LUZP2: variants seen among roughly 807,000 people sequenced by gnomAD.
LUZP2 encodes leucine zipper protein 2.
Under a neutral mutation model 51.6 loss-of-function variants are expected in LUZP2, and 52 were observed. That is an observed-to-expected ratio of 1.01 (90% CI 0.81 to 1.27). The LOEUF (loss-of-function observed/expected upper bound fraction) is 1.27. Ranked by LOEUF, LUZP2 falls within the 50% of genes most tolerant of loss-of-function variation. LUZP2 has a pLI of 0.00. For synonymous variants in LUZP2, 154 were observed against 137.3 expected (o/e 1.12, Z -0.85); for missense variants, 436 against 395.4 (o/e 1.10, Z -0.87).
intron 1 of LUZP2, among the ~76,000 whole-genome samples, chr11:24,682,187 C>T (rs955228223): frequency 6.6e-6 from 1 of 151,986 alleles, no homozygotes; most frequent in African/African-American, 2.4e-5. Flanking sequence ...GCAACTAATA[C>T]ATTATATGTT....
At chr11:24,648,433 G>A (rs1028842180) in intron 1 of LUZP2, among the ~76,000 whole-genome samples, 3 of 151,790 alleles carry the variant, frequency 2.0e-5, no homozygotes, top group Admixed American at 2.0e-4. Context: ...CAGCTGCTCG[G>A]GTATGTCTAG....
chr11:24,967,570 C>G (rs948908350), intron 7 of LUZP2, among the ~76,000 whole-genome samples: 4 of 151,616 alleles, frequency 2.6e-5, no homozygotes, highest in Non-Finnish European at 4.4e-5. Flanking sequence ...CATGTTTCTT[C>G]AAACTTTTTT....
At chr11:24,533,376 T>A (rs908104861) in intron 1 of LUZP2, among the ~76,000 whole-genome samples, 8 of 151,368 alleles carry the variant, frequency 5.3e-5, no homozygotes, top group Admixed American at 2.0e-4. Context: ...CAACTCCCTT[T>A]ATGTTGCCAT....
chr11:24,534,516 T>TAG (rs1049904558), intron 1 of LUZP2, among the ~76,000 whole-genome samples: 10 of 151,066 alleles, frequency 6.6e-5, no homozygotes, highest in African/African-American at 1.5e-4. Context: ...AAAGCATATA[T>TAG]AGAGAGATGT....
chr11:24,537,221 A>C (rs2133837388), intron 1 of LUZP2, among the ~76,000 whole-genome samples: 1 of 152,110 alleles, frequency 6.6e-6, no homozygotes, highest in African/African-American at 2.4e-5. Context: ...CTATACTGTT[A>C]GTAAAATGGC....
chr11:24,572,792 C>T (rs746173596), intron 1 of LUZP2, among the ~76,000 whole-genome samples: 1 of 151,980 alleles, frequency 6.6e-6, no homozygotes, highest in African/African-American at 2.4e-5. Context: ...AATAATTTTA[C>T]TTTATCTAAA....
intron 7 of LUZP2, among the ~76,000 whole-genome samples, chr11:24,934,996 C>T (rs2133840052): frequency 6.6e-6 from 1 of 152,184 alleles, no homozygotes; most frequent in African/African-American, 2.4e-5. Context: ...TGAAAAAAAG[C>T]TTTGTAGAGC....
chr11:24,548,903 T>A (rs915747795), intron 1 of LUZP2, among the ~76,000 whole-genome samples: 1 of 151,966 alleles, frequency 6.6e-6, no homozygotes. Flanking sequence ...TTATTGTATA[T>A]GTTTCATGGT....
intron 4 of LUZP2, among the ~76,000 whole-genome samples, chr11:24,755,266 C>T (rs1187872879): frequency 2.0e-5 from 3 of 152,150 alleles, no homozygotes; most frequent in Non-Finnish European, 2.9e-5. Flanking sequence ...ACAATTTCTT[C>T]GCACTTCGCA....
At chr11:24,907,093 G>A (rs1428477931) in intron 6 of LUZP2, among the ~76,000 whole-genome samples, 11 of 152,058 alleles carry the variant, frequency 7.2e-5, no homozygotes, top group Non-Finnish European at 1.3e-4. Flanking sequence ...AAGCACAAGC[G>A]TTGCTTCTCA....
rs1344147803 is a variant in LUZP2 at position 24,932,727 on chromosome 11, C to T, written c.522+18189C>T. ...AGAACTTGCCCCAGGCTACTGGCCT[C>T]CCCACTGAAAAGGCAATTGGGTTTT... is the stretch of plus-strand genomic sequence containing the variant. On this transcript the variant is annotated intron_variant, in intron 7 of 11. Transcript: ENST00000336930. 3.3e-5 allele frequency among the ~76,000 whole-genome samples: 5 copies of T among 152,130 alleles called. No homozygotes were observed. In the South Asian group the frequency reaches 8.3e-4, roughly 25 times the overall value.
At chr11:24,577,856 C>A (rs910270299) in intron 1 of LUZP2, among the ~76,000 whole-genome samples, 1 of 152,028 alleles carries the variant, frequency 6.6e-6, no homozygotes, top group African/African-American at 2.4e-5. Context: ...TCAGAAATTG[C>A]AGTTACAAGT....
At chr11:24,513,588 A>G (rs988020478) in intron 1 of LUZP2, among the ~76,000 whole-genome samples, 1 of 152,184 alleles carries the variant, frequency 6.6e-6, no homozygotes, top group South Asian at 2.1e-4. Context: ...CTTAGGATCT[A>G]TATAATACGT....
chr11:24,849,503 C>G (rs1219390771), intron 5 of LUZP2, among the ~76,000 whole-genome samples: 1 of 152,124 alleles, frequency 6.6e-6, no homozygotes, highest in Non-Finnish European at 1.5e-5. Flanking sequence ...TGTATATGTG[C>G]CACATTTTCT....
chr11:24,915,668 TGATA>T (rs1400372618), intron 7 of LUZP2, among the ~76,000 whole-genome samples: 12 of 150,632 alleles, frequency 8.0e-5, no homozygotes, highest in South Asian at 2.1e-4. Flanking sequence ...GATAGATAGA[TGATA>T]GATAGATAGA....
At chr11:25,028,484 C>A (rs922396206) in intron 9 of LUZP2, among the ~76,000 whole-genome samples, 1 of 152,092 alleles carries the variant, frequency 6.6e-6, no homozygotes, top group Admixed American at 6.6e-5. Context: ...GAGATTTTTT[C>A]ATCTGTAACA....
chr11:24,988,840 T>A (rs1856255062), intron 9 of LUZP2, among the ~76,000 whole-genome samples: 1 of 152,126 alleles, frequency 6.6e-6, no homozygotes, highest in South Asian at 2.1e-4. Flanking sequence ...ACAATATCTT[T>A]TTTACATTCA....
At chr11:25,024,575 G>T (rs1202981922) in intron 9 of LUZP2, among the ~76,000 whole-genome samples, 1 of 152,044 alleles carries the variant, frequency 6.6e-6, no homozygotes, top group Non-Finnish European at 1.5e-5. Context: ...AAATACCTAG[G>T]AATCCAACTT....
rs569565653 is a variant in LUZP2 at position 24,626,996 on chromosome 11, A to G, written c.63-102173A>G. On this transcript the variant is annotated intron_variant, in intron 1 of 11. Transcript: ENST00000336930. ...ACTCTAATCGACAGGGCAAGTCTGT[A>G]TGCTTTGGGATGCTTTTGGTCCTTA... is the stretch of plus-strand genomic sequence containing the variant. Among the ~76,000 whole-genome samples, 5 of 152,306 alleles carry G rather than the reference A, an allele frequency of 3.3e-5. No individual in the cohort carries two copies. The East Asian group carries it at 7.7e-4, about 24-fold the overall frequency.
Sources: allele counts gnomAD v4.1 joint callset (sites outside exome capture counted in the v4.1 genomes callset), GRCh38; gene constraint gnomAD v4.1.1; transcripts MANE v1.5; gene names NCBI Gene and HGNC (gene_info 2026-07-23, HGNC 2026-07-21).